The following UBE3C variants were observed in gnomAD, a reference collection of about 807,000 sequenced individuals.
UBE3C encodes the protein ubiquitin protein ligase E3C.
A neutral mutation model predicts 129.4 loss-of-function variants in UBE3C; 42 were observed. The observed-to-expected ratio is 0.32, with a 90% CI of 0.25 to 0.42. The LOEUF (loss-of-function observed/expected upper bound fraction) is 0.42, where lower values mean the gene tolerates loss of function less well. Among genes scored for constraint, UBE3C ranks in the 10% least tolerant of loss-of-function variants. The pLI, the probability that UBE3C is intolerant of heterozygous loss-of-function variation, is 1.00. For missense variants in UBE3C, 1,049 were observed against 1,319.1 expected (o/e 0.80, Z 3.17); for synonymous variants, 510 against 492.4 (o/e 1.04, Z -0.47).
intron 10 of UBE3C, among the ~76,000 whole-genome samples, chr7:157,199,530 G>A (rs954439852): frequency 1.3e-5 from 2 of 151,842 alleles, no homozygotes; most frequent in East Asian, 3.9e-4. Flanking sequence ...GAGTGTAATG[G>A]TGTGATCTCG....
intron 22 of UBE3C, among the ~76,000 whole-genome samples, chr7:157,260,556 A>ACG (rs754688532): frequency 6.6e-6 from 1 of 152,206 alleles, no homozygotes; most frequent in Non-Finnish European, 1.5e-5. Flanking sequence ...AGGCGTGCAG[A>ACG]CGACTTTTTA....
intron 1 of UBE3C, among the ~76,000 whole-genome samples, chr7:157,149,910 C>T (rs1419047635): frequency 1.4e-4 from 21 of 152,140 alleles, no homozygotes; most frequent in Non-Finnish European, 5.9e-5. Flanking sequence ...GTTCTCCTGT[C>T]TCAGGCCTCC....
intron 9 of UBE3C, among the ~76,000 whole-genome samples, chr7:157,186,509 C>T (rs1808810186): frequency 6.6e-6 from 1 of 151,646 alleles, no homozygotes; most frequent in South Asian, 2.1e-4. Context: ...ATGATAGTTT[C>T]ACTATGTATG....
intron 10 of UBE3C, among the ~76,000 whole-genome samples, chr7:157,190,570 G>A (rs930836178): frequency 1.3e-5 from 2 of 152,138 alleles, no homozygotes; most frequent in African/African-American, 2.4e-5. Flanking sequence ...GGAAGGTGCT[G>A]GTGGGCGGTG....
At chr7:157,256,343 A>G (rs1007763072) in intron 21 of UBE3C, among the ~76,000 whole-genome samples, 2 of 152,058 alleles carry the variant, frequency 1.3e-5, no homozygotes, top group African/African-American at 2.4e-5. Flanking sequence ...GGGTTTCACC[A>G]TGTTGGCCAG....
intron 9 of UBE3C, among the ~76,000 whole-genome samples, 178 bp downstream of exon 9, chr7:157,184,207 CTT>C (rs1808748249): frequency 6.6e-6 from 1 of 152,182 alleles, no homozygotes; most frequent in Non-Finnish European, 1.5e-5. Context: ...TCTCCCACCG[CTT>C]TGTTAGCACG....
At chr7:157,240,252 G>A (rs1341823828) in intron 18 of UBE3C, among the ~76,000 whole-genome samples, 2 of 151,998 alleles carry the variant, frequency 1.3e-5, no homozygotes, top group Non-Finnish European at 2.9e-5. Flanking sequence ...ATGGGGTTTC[G>A]CCATGTTGGC....
chr7:157,146,548 T>G (rs1245689976), intron 1 of UBE3C, among the ~76,000 whole-genome samples: 1 of 152,240 alleles, frequency 6.6e-6, no homozygotes. Flanking sequence ...AGCTCTGTTA[T>G]GGCTTTATTC....
At chr7:157,155,147 C>G (rs1352141184) in intron 1 of UBE3C, among the ~76,000 whole-genome samples, 1 of 152,030 alleles carries the variant, frequency 6.6e-6, no homozygotes, top group South Asian at 2.1e-4. Context: ...CATAGAGATT[C>G]TTATTTCATG....
intron 18 of UBE3C, among the ~76,000 whole-genome samples, chr7:157,239,341 C>G (rs1796235925): frequency 6.6e-6 from 1 of 152,152 alleles, no homozygotes; most frequent in South Asian, 2.1e-4. Context: ...TCCAGACACA[C>G]AAAAGTACAT....
At chr7:157,163,757 G>A (rs1292801131) in intron 1 of UBE3C, 53 bp from the exon 2 acceptor site, 1 of 1,577,514 alleles carries the variant, frequency 6.3e-7, no homozygotes. Context: ...TTGTATGGGA[G>A]TTTTAAAATT....
At chr7:157,241,520 C>T (rs549357045) in intron 18 of UBE3C, among the ~76,000 whole-genome samples, 49 of 152,330 alleles carry the variant, frequency 3.2e-4, no homozygotes, top group African/African-American at 1.0e-3. Flanking sequence ...CAGGCTGCCG[C>T]GCACACCCGC....
intron 13 of UBE3C, among the ~76,000 whole-genome samples, chr7:157,212,638 T>G (rs1809629069): frequency 6.6e-6 from 1 of 152,252 alleles, no homozygotes; most frequent in Non-Finnish European, 1.5e-5. Context: ...TTCTAAGCAG[T>G]TATCTACTTG....
At chr7:157,237,389 C>T (rs1796180140) in intron 18 of UBE3C, among the ~76,000 whole-genome samples, 1 of 151,924 alleles carries the variant, frequency 6.6e-6, no homozygotes, top group Non-Finnish European at 1.5e-5. Flanking sequence ...TGCAGTGAGC[C>T]GAGATTGCGC....
chr7:157,245,284 A>G (rs1236239424), intron 18 of UBE3C, among the ~76,000 whole-genome samples: 1 of 152,246 alleles, frequency 6.6e-6, no homozygotes, highest in East Asian at 1.9e-4. Flanking sequence ...CAGAAATGGC[A>G]AACAGTGACC....
In UBE3C at chr7:157,220,814, T is replaced by A. The variant is rs749808363; in HGVS notation, c.2002+38T>A. The A allele has an allele frequency of 3.7e-6, 6 of 1,603,960 alleles. No homozygotes were observed. In the East Asian group the frequency reaches 1.3e-4, roughly 36 times the overall value. On this transcript the variant is annotated intron_variant, in intron 15 of 22. Transcript: ENST00000348165. ...GGACACAGGGTTACTGAGGTATGAA[T>A]TACATGCTGTCAAATTCACTCCTTT...
chr7:157,247,595 G>A (rs1226776569), intron 18 of UBE3C, among the ~76,000 whole-genome samples: 1 of 152,200 alleles, frequency 6.6e-6, no homozygotes, highest in Non-Finnish European at 1.5e-5. Context: ...GGGAGGCTGA[G>A]GCAGGAGAAT....
At chr7:157,158,826 A>G (rs1455049405) in intron 1 of UBE3C, among the ~76,000 whole-genome samples, 4 of 152,214 alleles carry the variant, frequency 2.6e-5, no homozygotes, top group African/African-American at 7.2e-5. Context: ...TTTTATGACA[A>G]ATGACAACAT....
chr7:157,233,583 G>T lies in UBE3C; in HGVS notation c.2481+2256G>T, dbSNP rs190880750. Among the ~76,000 whole-genome samples, 613 of 152,250 alleles carry T rather than the reference G, an allele frequency of 4.0e-3. 3 individuals are homozygous for T. Among genetic ancestry groups the T allele is most frequent in the Non-Finnish European group, 5.9e-3 (398 of 68,006 alleles). Reference sequence around the variant, plus strand: ...GTGTGAGCCACCACACCCAGTCACCGCATTTTGTTTACTTACTCATCCCAG... The same window carrying T: ...GTGTGAGCCACCACACCCAGTCACCTCATTTTGTTTACTTACTCATCCCAG... On this transcript the variant is annotated intron_variant, in intron 18 of 22. Transcript: ENST00000348165.
Sources: gnomAD v4.1 joint callset for allele counts (sites outside exome capture counted in the v4.1 genomes callset) on GRCh38, gnomAD v4.1.1 for gene constraint, MANE v1.5 for transcripts, NCBI Gene and HGNC (gene_info 2026-07-23, HGNC 2026-07-21) for gene names.